The following STAU2 variants were observed in gnomAD, a reference collection of about 807,000 sequenced individuals.
The protein encoded by STAU2 is staufen double-stranded RNA binding protein 2, also known as double-stranded RNA-binding protein Staufen homolog 2.
In STAU2, 20 loss-of-function variants were observed where a neutral mutation model predicts 65.9. The observed-to-expected ratio is 0.30, with a 90% confidence interval of 0.21 to 0.44. STAU2 has a LOEUF of 0.44. STAU2 is among the 20% of genes least tolerant of loss of function. The probability of loss-of-function intolerance (pLI) is 1.00; values close to 1 mark genes in which losing one functional copy is unlikely to be tolerated. For synonymous variants in STAU2, 232 were observed against 233.9 expected, an observed-to-expected ratio of 0.99 and a Z score of 0.07; for missense variants, 558 against 683.9, an observed-to-expected ratio of 0.82 and a Z score of 2.05.
At chr8:73,651,277 C>T (rs1485238511) in intron 6 of STAU2, 8 of 662,042 alleles carry the variant, frequency 1.2e-5, no homozygotes, top group Non-Finnish European at 1.9e-5. Flanking sequence ...AAACGCCTGG[C>T]GGGCCCCACT....
At chr8:73,473,266 G>A (rs976159246) in intron 13 of STAU2, among the ~76,000 whole-genome samples, 3 of 152,102 alleles carry the variant, frequency 2.0e-5, no homozygotes, top group African/African-American at 7.2e-5. Context: ...ATGAGAATAC[G>A]TGACCTCTGA....
intron 5 of STAU2, among the ~76,000 whole-genome samples, chr8:73,687,348 A>ATTTATAAATATAATTTATATTTAT (rs1563506850): frequency 4.0e-4 from 12 of 29,680 alleles, no homozygotes; most frequent in South Asian, 9.0e-4. Flanking sequence ...TTATATTTAT[A>ATTTATAAATATAATTTATATTTAT]ATTTATATAA....
chr8:73,516,578 A>G (rs1305443686), intron 13 of STAU2, among the ~76,000 whole-genome samples: 1 of 152,178 alleles, frequency 6.6e-6, no homozygotes, highest in Non-Finnish European at 1.5e-5. Context: ...TTAGCAATGA[A>G]AGAAAAATAT....
rs529240120 is a variant in STAU2, at chr8:73,681,827, T to G, written c.274+6827A>C. Among the ~76,000 whole-genome samples the G allele has an allele frequency of 8.4e-4, 128 of 152,278 alleles. 1 individual carries two copies. Among genetic ancestry groups the G allele is most frequent in the African/African-American group, 2.9e-3 (122 of 41,574 alleles). On this transcript the variant is annotated intron_variant, in intron 5 of 14. Coordinates refer to ENST00000524300, the MANE Select transcript of STAU2 (RefSeq NM_001164380.2). ...CACCAAAAGCCAGCAGGAGTAGCTA[T>G]TCTTACATCAGATAAAACAGACTTT... is the stretch of plus-strand genomic sequence containing the variant.
chr8:73,679,062 C>A (rs904104517), intron 5 of STAU2, among the ~76,000 whole-genome samples: 1 of 151,956 alleles, frequency 6.6e-6, no homozygotes, highest in Non-Finnish European at 1.5e-5. Context: ...ATATCTAAGG[C>A]GAAATTAATA....
At chr8:73,675,077 A>G (rs1277084430) in intron 5 of STAU2, among the ~76,000 whole-genome samples, 1 of 151,718 alleles carries the variant, frequency 6.6e-6, no homozygotes, top group Admixed American at 6.6e-5. Context: ...TAAGAAAATC[A>G]AAATTATATC....
chr8:73,423,310 G>A (rs544839422), intron 13 of STAU2, among the ~76,000 whole-genome samples: 9 of 152,322 alleles, frequency 5.9e-5, no homozygotes, highest in African/African-American at 2.2e-4. Flanking sequence ...ATAGGCTCGG[G>A]GTGCGTGGGA....
intron 12 of STAU2, among the ~76,000 whole-genome samples, chr8:73,581,545 C>A (rs1809983723): frequency 5.9e-5 from 9 of 152,194 alleles, no homozygotes; most frequent in Admixed American, 5.2e-4. Context: ...CAATCAATTT[C>A]ATGTTTATTA....
Position 73,454,654 on chromosome 8 carries a change from C to T in STAU2, c.1531-31952G>A, listed in dbSNP as rs141392578. ...TCTTCTTCAACACAGAAATAGCAAT[C>T]ACAGACCATGATGACATCTTCCATT... On this transcript the variant is annotated intron_variant, in intron 13 of 14. Transcript: ENST00000524300. 1.2e-3 allele frequency among the ~76,000 whole-genome samples: 187 copies of T among 152,316 alleles called. 1 individual carries two copies. Among genetic ancestry groups the T allele is most frequent in the African/African-American group, 4.3e-3 (178 of 41,574 alleles).
intron 13 of STAU2, among the ~76,000 whole-genome samples, chr8:73,434,324 G>C (rs148414160): frequency 2.0e-5 from 3 of 151,740 alleles, no homozygotes; most frequent in African/African-American, 7.3e-5. Context: ...AGGCAGTGCT[G>C]ACTCCTGATT....
At chr8:73,693,213 C>T (rs1443838997) in intron 4 of STAU2, among the ~76,000 whole-genome samples, 3 of 152,102 alleles carry the variant, frequency 2.0e-5, no homozygotes, top group African/African-American at 7.2e-5. Flanking sequence ...GTGGCTCACG[C>T]CTGTAATCCC....
intron 12 of STAU2, among the ~76,000 whole-genome samples, chr8:73,569,017 T>C (rs540733885): frequency 2.0e-5 from 3 of 152,160 alleles, no homozygotes; most frequent in Admixed American, 2.0e-4. Context: ...GGGCATCATC[T>C]CACCTGGGAA....
chr8:73,484,509 A>G (rs1219722314), intron 13 of STAU2, among the ~76,000 whole-genome samples: 1 of 151,706 alleles, frequency 6.6e-6, no homozygotes, highest in African/African-American at 2.4e-5. Flanking sequence ...CGGCTAATGA[A>G]TGGCTTTCTA....
rs577171323 is a variant in STAU2 at position 73,701,674 on chromosome 8, G to C, written c.114+7358C>G. Among the ~76,000 whole-genome samples the C allele has an allele frequency of 5.9e-5, 9 of 152,212 alleles. No homozygotes were observed. The East Asian group carries it at 9.7e-4, about 16-fold the overall frequency. On this transcript the variant is annotated intron_variant, in intron 4 of 14. Coordinates refer to ENST00000524300, the MANE Select transcript of STAU2 (RefSeq NM_001164380.2). ...AACCACTATGGAGAACAGTTTGGAGGTTCCTCAAAAAACTAAAAATAGAAC... is the reference window on the plus strand; with the variant it reads ...AACCACTATGGAGAACAGTTTGGAGCTTCCTCAAAAAACTAAAAATAGAAC...
chr8:73,430,359 A>G (rs1817171217), intron 13 of STAU2, among the ~76,000 whole-genome samples: 1 of 152,224 alleles, frequency 6.6e-6, no homozygotes, highest in South Asian at 2.1e-4. Flanking sequence ...CCTGCCGACC[A>G]GGTACCCCTC....
At chr8:73,665,806 C>A (rs547631352) in intron 6 of STAU2, among the ~76,000 whole-genome samples, 144 of 152,072 alleles carry the variant, frequency 9.5e-4, no homozygotes, top group Non-Finnish European at 1.5e-3. Flanking sequence ...CTGCTCAAGC[C>A]CCTGATATAA....
chr8:73,493,853 G>A (rs1821264902), intron 13 of STAU2, among the ~76,000 whole-genome samples: 1 of 151,636 alleles, frequency 6.6e-6, no homozygotes, highest in Admixed American at 6.6e-5. Flanking sequence ...TCTATCAAAA[G>A]GAAAATGAAC....
chr8:73,700,605 C>T (rs2130599329), intron 4 of STAU2, among the ~76,000 whole-genome samples: 1 of 152,054 alleles, frequency 6.6e-6, no homozygotes, highest in East Asian at 1.9e-4. Context: ...TAGGAATTAA[C>T]TCAACCAAGG....
intron 11 of STAU2, among the ~76,000 whole-genome samples, chr8:73,583,387 C>T (rs766876682): frequency 3.3e-5 from 5 of 152,146 alleles, no homozygotes; most frequent in Non-Finnish European, 7.4e-5. Flanking sequence ...CTCAAATGAT[C>T]CACCCACTTT....
Sources: gnomAD v4.1 joint callset for allele counts (sites outside exome capture counted in the v4.1 genomes callset) on GRCh38, gnomAD v4.1.1 for gene constraint, MANE v1.5 for transcripts, NCBI Gene and HGNC (gene_info 2026-07-23, HGNC 2026-07-21) for gene names.